CCT5: variants seen among roughly 807,000 people sequenced by gnomAD.
CCT5 encodes the protein chaperonin containing TCP1 subunit 5.
A neutral mutation model predicts 55.0 loss-of-function variants in CCT5; 6 were observed. The ratio of observed to expected loss-of-function variants is 0.11; its 90% CI spans 0.06 to 0.22. The LOEUF is 0.22. Among genes scored for constraint, CCT5 ranks in the 10% least tolerant of loss-of-function variants. CCT5 has a pLI of 1.00. For missense variants in CCT5, 560 were observed against 694.6 expected, an observed-to-expected ratio of 0.81 and a Z score of 2.18; for synonymous variants, 231 against 243.7, an observed-to-expected ratio of 0.95 and a Z score of 0.49.
At chr5:10,259,604 GC>G (rs971386100) in intron 6 of CCT5, among the ~76,000 whole-genome samples, 5 of 152,230 alleles carry the variant, frequency 3.3e-5, no homozygotes, top group African/African-American at 1.2e-4. Context: ...TGAGAGCAGT[GC>G]CCCTGGGGGA....
intron 6 of CCT5, among the ~76,000 whole-genome samples, chr5:10,259,754 G>A (rs972070075): frequency 2.0e-5 from 3 of 152,208 alleles, no homozygotes; most frequent in African/African-American, 7.2e-5. Context: ...TGGGCCGGTG[G>A]GACAGTTTTC....
Position 10,264,840 on chromosome 5 carries a change from C to CT in CCT5, c.*58dup. 6.2e-7 allele frequency: 1 copy of CT among 1,602,664 alleles called. No homozygotes were observed. Among genetic ancestry groups the CT allele is most frequent in the Non-Finnish European group, 8.5e-7 (1 of 1,170,288 alleles). On this transcript the variant is annotated 3_prime_UTR_variant, in exon 11 of 11. Coordinates refer to ENST00000280326, the MANE Select transcript of CCT5 (RefSeq NM_012073.5). ...CTTCTGTGATTAAGTAAATGGATGTCTCGTGATGCATCTACAGTTATTTAT... is the reference window on the plus strand; with the variant it reads ...CTTCTGTGATTAAGTAAATGGATGTCTTCGTGATGCATCTACAGTTATTTAT...
chr5:10,263,018 C>CT, intron 9 of CCT5, 116 bp from the exon 10 acceptor site: 2 of 848,306 alleles, frequency 2.4e-6, no homozygotes. Flanking sequence ...ACAGCCTGTT[C>CT]TTACAATTCT....
At chr5:10,264,572 G>A (rs781502080) in intron 10 of CCT5, 84 bp from the exon 11 acceptor site, 4 of 936,330 alleles carry the variant, frequency 4.3e-6, no homozygotes, top group Admixed American at 3.4e-5. Context: ...AAGTCTTACT[G>A]TGATTCCCTA....
chr5:10,261,965 A>C, intron 8 of CCT5: 1 of 550,342 alleles, frequency 1.8e-6, no homozygotes, highest in Non-Finnish European at 3.3e-6. Flanking sequence ...TATACAATAT[A>C]CACTATGAGA....
chr5:10,261,576 C>T lies in CCT5; in HGVS notation c.1010C>T (p.Thr337Ile), dbSNP rs1267907584. The T allele has an allele frequency of 6.2e-7, 1 of 1,614,166 alleles. No homozygotes were observed. Among genetic ancestry groups the T allele is most frequent in the South Asian group, 1.1e-5 (1 of 91,084 alleles). Residue 337 changes from threonine to isoleucine, a missense_variant, in exon 8 of 11, where the codon ACA (threonine) becomes ATA (isoleucine). Transcript: ENST00000280326. ...GPEIELIAIA[T>I]GGRIVPRFSE... The stretch of plus-strand genomic sequence containing the variant: ...CCCAATTAGCTGATTGCCATCGCAA[C>T]AGGAGGGCGGATCGTCCCCAGGTTC...
At chr5:10,255,887 G>A in intron 3 of CCT5, 68 bp from the exon 4 acceptor site, 1 of 1,359,548 alleles carries the variant, frequency 7.4e-7, no homozygotes, top group East Asian at 2.3e-5. Context: ...CATCTAACTT[G>A]TGCTGATTAT....
upstream of CCT5, chr5:10,250,058 A>C (rs970489483): frequency 1.9e-6 from 3 of 1,540,540 alleles, no homozygotes. Context: ...AACGTTTTAA[A>C]AAATGACAAA....
intron 1 of CCT5, among the ~76,000 whole-genome samples, chr5:10,252,848 G>C (rs560363835): frequency 1.3e-5 from 2 of 152,220 alleles, no homozygotes; most frequent in South Asian, 2.1e-4. Context: ...GGGCAAAATA[G>C]ATCTCGGGAT....
intron 6 of CCT5, among the ~76,000 whole-genome samples, chr5:10,259,000 A>T (rs1420929633): frequency 6.6e-6 from 1 of 152,194 alleles, no homozygotes; most frequent in African/African-American, 2.4e-5. Flanking sequence ...CTCAAAAAAA[A>T]TGGTAGTGTG....
Position 10,262,397 on chromosome 5 carries a change from C to CGAA in CCT5, c.1180-84_1180-83insGAA, listed in dbSNP as rs540546581. Reference sequence around the variant, plus strand: ...ATCTAAATATTAGAGCACAGCCTCTCTGTCTTTAAAAAGGTGCCAGATACT... The same window carrying CGAA: ...ATCTAAATATTAGAGCACAGCCTCTCGAATGTCTTTAAAAAGGTGCCAGATACT... On this transcript the variant is annotated intron_variant, in intron 8 of 10. Transcript: ENST00000280326. 194 of 1,445,054 alleles carry CGAA rather than the reference C, an allele frequency of 1.3e-4. No individual in the cohort carries two copies. The African/African-American group carries it at 2.5e-3, about 19-fold the overall frequency. 89.5% of individuals were successfully genotyped at this position (1,445,054 alleles called of 1,614,324 possible). A position where few individuals can be genotyped will look rare whatever the true frequency, so the allele number is the denominator to read the frequency against.
chr5:10,256,474 T>C (rs951849407), intron 4 of CCT5, among the ~76,000 whole-genome samples: 3 of 152,174 alleles, frequency 2.0e-5, no homozygotes, highest in Non-Finnish European at 2.9e-5. Context: ...CTCAGCACTT[T>C]AGGAGGCCAA....
chr5:10,254,370 C>T (rs1233509277), intron 2 of CCT5, 165 bp downstream of exon 2: 6 of 618,704 alleles, frequency 9.7e-6, no homozygotes, highest in Admixed American at 2.8e-5. Context: ...TGGTTATAAT[C>T]GTGTGCAATA....
intron 4 of CCT5, chr5:10,257,778 A>C: frequency 2.7e-6 from 1 of 373,482 alleles, no homozygotes; most frequent in Non-Finnish European, 5.1e-6. Context: ...GTATTCTGTA[A>C]AAGTGCTGCA....
chr5:10,251,016 G>C, intron 1 of CCT5: 1 of 296,602 alleles, frequency 3.4e-6, no homozygotes, highest in Non-Finnish European at 5.0e-6. Flanking sequence ...CAGTGAGAAG[G>C]ACAGCTACGG....
At position 10,263,382 on chromosome 5, in the gene CCT5, T is replaced by C. The variant is rs530726087; in HGVS notation, c.1498+68T>C. 4.7e-5 allele frequency: 65 copies of C among 1,390,852 alleles called. 1 individual carries two copies. In the South Asian group the frequency reaches 7.4e-4, roughly 16 times the overall value. The allele number at this position is 1,390,852 out of a possible 1,614,324, so 86.2% of individuals were successfully genotyped here. A position where few individuals can be genotyped will look rare whatever the true frequency, so the allele number is the denominator to read the frequency against. On this transcript the variant is annotated intron_variant, in intron 10 of 10. Coordinates refer to ENST00000280326, the MANE Select transcript of CCT5 (RefSeq NM_012073.5). Reference sequence around the variant, plus strand: ...TGATTTAAACTGAATAATCATCCACTGTATGTGCTGTGAGATGATGGTGTC... The same window carrying C: ...TGATTTAAACTGAATAATCATCCACCGTATGTGCTGTGAGATGATGGTGTC...
intron 1 of CCT5, among the ~76,000 whole-genome samples, chr5:10,251,699 G>T (rs1018152209): frequency 5.3e-5 from 8 of 152,170 alleles, no homozygotes; most frequent in African/African-American, 1.9e-4. Flanking sequence ...GAGTGACTTA[G>T]AGGGGCTGCA....
chr5:10,260,690 C>T (rs372227911), intron 6 of CCT5, 102 bp from the exon 7 acceptor site: 2 of 1,250,504 alleles, frequency 1.6e-6, no homozygotes, highest in African/African-American at 1.5e-5. Context: ...TGTTTGAGTG[C>T]ACCTGCCTTA....
chr5:10,256,287 C>G, intron 4 of CCT5, 134 bp downstream of exon 4: 2 of 834,892 alleles, frequency 2.4e-6, no homozygotes, highest in Non-Finnish European at 4.0e-6. Context: ...CTTGGTTTTG[C>G]TTTGTTTTTA....
Sources: gnomAD v4.1 joint callset for allele counts (sites outside exome capture counted in the v4.1 genomes callset) on GRCh38, gnomAD v4.1.1 for gene constraint, MANE v1.5 for transcripts, NCBI Gene and HGNC (gene_info 2026-07-23, HGNC 2026-07-21) for gene names.